The following CCDC170 variants were observed in gnomAD, a reference collection of about 807,000 sequenced individuals.
The protein encoded by CCDC170 is coiled-coil domain containing 170.
Under a neutral mutation model 72.6 loss-of-function variants are expected in CCDC170, and 69 were observed. That is an observed-to-expected ratio of 0.95 (90% CI 0.78 to 1.16). The LOEUF is 1.16. CCDC170 is among the 50% of genes most tolerant of loss of function. The pLI is 0.00. For missense variants in CCDC170, 852 were observed against 832.5 expected, an observed-to-expected ratio of 1.02 and a Z score of -0.29; for synonymous variants, 300 against 303.9, an observed-to-expected ratio of 0.99 and a Z score of 0.13.
Position 151,510,563 on chromosome 6 carries a change from C to T in CCDC170, c.57+16378C>T, listed in dbSNP as rs529312705. On this transcript the variant is annotated intron_variant, in intron 1 of 10. Transcript: ENST00000239374. The stretch of plus-strand genomic sequence containing the variant: ...AAAAAAAACCCTTGAGATTAAGATT[C>T]GATATTGCAAAGGAGGTGATGAGGA... Among the ~76,000 whole-genome samples, 22 of 151,944 alleles carry T rather than the reference C, an allele frequency of 1.4e-4. No homozygotes were observed. In the South Asian group the frequency reaches 3.7e-3, roughly 26 times the overall value.
chr6:151,553,062 C>A (rs1017047379), intron 5 of CCDC170, among the ~76,000 whole-genome samples: 1 of 152,154 alleles, frequency 6.6e-6, no homozygotes, highest in African/African-American at 2.4e-5. Flanking sequence ...GCTGGGATTA[C>A]AGGCATGAGC....
intron 5 of CCDC170, among the ~76,000 whole-genome samples, chr6:151,551,135 G>A (rs887198997): frequency 6.6e-6 from 1 of 152,072 alleles, no homozygotes; most frequent in Admixed American, 6.6e-5. Context: ...CATCCACCCA[G>A]ATGCAACAAT....
At position 151,587,800 on chromosome 6, in the gene CCDC170, G is replaced by A. The variant is rs78858255; in HGVS notation, c.1293+1711G>A. On this transcript the variant is annotated intron_variant, in intron 7 of 10. Coordinates refer to ENST00000239374, the MANE Select transcript of CCDC170 (RefSeq NM_025059.4). Reference sequence around the variant, plus strand: ...CAAATAGTACAATTAGTGCCATGATGGAGACAGGTATAAAATTTAACAGAA... The same window carrying A: ...CAAATAGTACAATTAGTGCCATGATAGAGACAGGTATAAAATTTAACAGAA... Among the ~76,000 whole-genome samples, 758 of 152,286 alleles carry A rather than the reference G, an allele frequency of 5.0e-3. 6 individuals carry two copies. The highest frequency in any genetic ancestry group is 0.017 in the African/African-American group (723 of 41,544).
At chr6:151,507,814 G>A (rs149563643) in intron 1 of CCDC170, among the ~76,000 whole-genome samples, 12,730 of 151,884 alleles carry the variant, frequency 0.084, 649 homozygotes, top group Middle Eastern at 0.16. Flanking sequence ...CCAGCTACTC[G>A]GGAGGCTGAG....
intron 5 of CCDC170, among the ~76,000 whole-genome samples, chr6:151,553,781 G>A (rs1222863109): frequency 2.0e-5 from 3 of 152,064 alleles, no homozygotes; most frequent in South Asian, 2.1e-4. Flanking sequence ...CTTTAATAAA[G>A]TACTTTATTC....
intron 9 of CCDC170, among the ~76,000 whole-genome samples, chr6:151,611,073 C>G (rs1232293572): frequency 1.3e-5 from 2 of 152,074 alleles, no homozygotes; most frequent in Non-Finnish European, 2.9e-5. Flanking sequence ...GTGAGAAGAT[C>G]AAGAACATCT....
chr6:151,507,894 C>T (rs927695015), intron 1 of CCDC170, among the ~76,000 whole-genome samples: 5 of 150,086 alleles, frequency 3.3e-5, no homozygotes, highest in Admixed American at 1.3e-4. Context: ...GTACTCCAGC[C>T]TGATAACAGA....
chr6:151,504,410 A>G lies in CCDC170; in HGVS notation c.57+10225A>G, dbSNP rs1278334645. Among the ~76,000 whole-genome samples the G allele has an allele frequency of 2.7e-5, 4 of 150,456 alleles. No individual in the cohort carries two copies. The South Asian group carries it at 8.3e-4, about 31-fold the overall frequency. ...TTGAGTTAGGTAAATAGTAATTGGT[A>G]ATAAATAAAATTTTTACCAATTTTA... On this transcript the variant is annotated intron_variant, in intron 1 of 10. Coordinates refer to ENST00000239374, the MANE Select transcript of CCDC170 (RefSeq NM_025059.4).
intron 1 of CCDC170, among the ~76,000 whole-genome samples, chr6:151,532,604 CAAAAGAAAAAAA>C (rs1014735858): frequency 6.0e-5 from 7 of 116,218 alleles, no homozygotes; most frequent in Non-Finnish European, 1.2e-4. Context: ...GACTCTGTCT[CAAAAGAAAAAAA>C]AAAAGAAAAA....
intron 1 of CCDC170, among the ~76,000 whole-genome samples, chr6:151,530,495 G>C (rs930139433): frequency 6.6e-6 from 1 of 151,330 alleles, no homozygotes; most frequent in Non-Finnish European, 1.5e-5. Flanking sequence ...AGGCTGGAGT[G>C]CAGTGGCGTG....
chr6:151,557,325 C>T (rs144056820), intron 5 of CCDC170, among the ~76,000 whole-genome samples: 2,682 of 151,484 alleles, frequency 0.018, 88 homozygotes, highest in African/African-American at 0.062. Context: ...AGGAGAATGG[C>T]ATGAACCCAG....
chr6:151,605,292 C>G (rs983383624), intron 9 of CCDC170, among the ~76,000 whole-genome samples: 1 of 152,208 alleles, frequency 6.6e-6, no homozygotes, highest in East Asian at 1.9e-4. Context: ...GTGTTTGCCT[C>G]AGCTCTAGTC....
At chr6:151,537,966 A>T in intron 2 of CCDC170, 79 bp from the exon 3 acceptor site, 1 of 1,363,690 alleles carries the variant, frequency 7.3e-7, no homozygotes, top group Non-Finnish European at 1.0e-6. Flanking sequence ...CATTTAAATG[A>T]TGGCTTTGGG....
intron 1 of CCDC170, among the ~76,000 whole-genome samples, chr6:151,507,919 A>C (rs2115022909): frequency 1.0e-5 from 1 of 97,106 alleles, no homozygotes; most frequent in South Asian, 3.0e-4. Context: ...GCTCCATCTC[A>C]AAAAAAAAAA....
At chr6:151,536,551 C>CAGAT (rs1782585778) in intron 2 of CCDC170, 105 bp downstream of exon 2, 18 of 1,302,026 alleles carry the variant, frequency 1.4e-5, no homozygotes, top group Admixed American at 1.9e-5. Flanking sequence ...CTGAGGCAGG[C>CAGAT]AGATCACGAG....
chr6:151,611,238 TCACTC>T (rs200102911), intron 9 of CCDC170, among the ~76,000 whole-genome samples: 8,226 of 151,606 alleles, frequency 0.054, 279 homozygotes, highest in Middle Eastern at 0.085. Context: ...TTGTGCCACT[TCACTC>T]CAGTCTGGGT....
At chr6:151,598,006 G>A (rs73780814) in intron 9 of CCDC170, among the ~76,000 whole-genome samples, 12,349 of 152,226 alleles carry the variant, frequency 0.081, 550 homozygotes, top group African/African-American at 0.11. Flanking sequence ...TTCCCTTCTG[G>A]GTAGTTTTCT....
chr6:151,526,309 C>T (rs1370801363), intron 1 of CCDC170, among the ~76,000 whole-genome samples: 1 of 151,686 alleles, frequency 6.6e-6, no homozygotes, highest in Middle Eastern at 3.2e-3. Context: ...TGCACCTCCA[C>T]CTCCTAGGTT....
Position 151,618,208 on chromosome 6 carries a change from A to T in CCDC170, c.*61A>T. 7.2e-7 allele frequency: 1 copy of T among 1,391,476 alleles called. No individual in the cohort carries two copies. Among genetic ancestry groups the T allele is most frequent in the South Asian group, 1.2e-5 (1 of 82,522 alleles). 86.2% of individuals were successfully genotyped at this position (1,391,476 alleles called of 1,614,324 possible). A position where few individuals can be genotyped will look rare whatever the true frequency, so the allele number is the denominator to read the frequency against. ...TGGCACACAATTCCCAATTTCACAA[A>T]TTCCTCATGTCTTTGAGATTTGATC... On this transcript the variant is annotated 3_prime_UTR_variant, in exon 11 of 11. Coordinates refer to ENST00000239374, the MANE Select transcript of CCDC170 (RefSeq NM_025059.4).
Sources: allele counts gnomAD v4.1 joint callset (sites outside exome capture counted in the v4.1 genomes callset), GRCh38; gene constraint gnomAD v4.1.1; transcripts MANE v1.5; gene names NCBI Gene and HGNC (gene_info 2026-07-23, HGNC 2026-07-21).